Variants in MAML3 observed in about 807,000 individuals in gnomAD.
The protein encoded by MAML3 is mastermind-like protein 3.
A neutral mutation model predicts 101.9 loss-of-function variants in MAML3; 27 were observed. That is an observed-to-expected ratio of 0.27 (90% CI 0.20 to 0.37). MAML3 has a LOEUF of 0.37. Ranked by LOEUF, MAML3 falls within the 10% of genes least tolerant of loss-of-function variation. The probability of loss-of-function intolerance (pLI) is 1.00; values close to 1 mark genes in which losing one functional copy is unlikely to be tolerated. For missense variants in MAML3, 1,316 were observed against 1,444.9 expected (o/e 0.91, Z 1.45); for synonymous variants, 501 against 555.9 (o/e 0.90, Z 1.39).
rs577176565 is a variant in MAML3 at position 139,801,541 on chromosome 4, T to C, written c.2080-70874A>G. ...TTTTCCGTCAAAAGGAAAGCCATAA[T>C]GTATATCCTAGTGAAGATGGCAAAA... is the stretch of plus-strand genomic sequence containing the variant. On this transcript the variant is annotated intron_variant, in intron 2 of 4. Coordinates refer to ENST00000509479, the MANE Select transcript of MAML3 (RefSeq NM_018717.5). 1.6e-4 allele frequency among the ~76,000 whole-genome samples: 25 copies of C among 152,188 alleles called. No homozygotes were observed. In the South Asian group the frequency reaches 4.8e-3, roughly 29 times the overall value.
chr4:140,015,006 T>C (rs542757786), intron 1 of MAML3, among the ~76,000 whole-genome samples: 1 of 152,176 alleles, frequency 6.6e-6, no homozygotes, highest in South Asian at 2.1e-4. Flanking sequence ...AATTCAAAAA[T>C]TCAAAAAATT....
chr4:139,824,254 A>G (rs1415796290), intron 2 of MAML3, among the ~76,000 whole-genome samples: 1 of 152,232 alleles, frequency 6.6e-6, no homozygotes, highest in Non-Finnish European at 1.5e-5. Context: ...ACTAACTGCA[A>G]TCAGAAAAGA....
At chr4:140,122,220 CTTTT>C (rs369602172) in intron 1 of MAML3, among the ~76,000 whole-genome samples, 5 of 124,614 alleles carry the variant, frequency 4.0e-5, no homozygotes, top group African/African-American at 1.5e-4. Context: ...TCAAACGAGA[CTTTT>C]TTTTTTTTTT....
At chr4:139,830,636 G>A (rs1392654005) in intron 2 of MAML3, among the ~76,000 whole-genome samples, 2 of 151,858 alleles carry the variant, frequency 1.3e-5, no homozygotes, top group Middle Eastern at 3.4e-3. Flanking sequence ...GGATGATGTC[G>A]ATCTCCTGAC....
At chr4:139,996,438 C>T (rs1366457514) in intron 1 of MAML3, among the ~76,000 whole-genome samples, 1 of 151,926 alleles carries the variant, frequency 6.6e-6, no homozygotes, top group Non-Finnish European at 1.5e-5. Context: ...ATGTTTGAGG[C>T]TCTGTACTTA....
chr4:139,746,622 T>G, intron 2 of MAML3, among the ~76,000 whole-genome samples: 1 of 152,150 alleles, frequency 6.6e-6, no homozygotes. Context: ...GGCCCCTCGT[T>G]GCCATGGTCT....
intron 2 of MAML3, among the ~76,000 whole-genome samples, chr4:139,750,553 A>AACCATATT (rs1729470019): frequency 6.6e-6 from 1 of 152,228 alleles, no homozygotes; most frequent in Non-Finnish European, 1.5e-5. Flanking sequence ...GCTGTATCTG[A>AACCATATT]ACCATATTAC....
chr4:140,002,456 T>C (rs1372590447), intron 1 of MAML3, among the ~76,000 whole-genome samples: 1 of 152,202 alleles, frequency 6.6e-6, no homozygotes, highest in Non-Finnish European at 1.5e-5. Flanking sequence ...AAAACACAAA[T>C]ATGATTTTTA....
chr4:139,940,560 G>A (rs776882793), intron 1 of MAML3, among the ~76,000 whole-genome samples: 5 of 152,206 alleles, frequency 3.3e-5, no homozygotes, highest in Non-Finnish European at 7.3e-5. Context: ...TAAACAGTAT[G>A]TGGTACCTTT....
At chr4:140,114,194 C>G (rs1184024964) in intron 1 of MAML3, among the ~76,000 whole-genome samples, 1 of 152,198 alleles carries the variant, frequency 6.6e-6, no homozygotes, top group Non-Finnish European at 1.5e-5. Context: ...AGAATAAAAT[C>G]ATTCCAACTT....
Position 140,137,848 on chromosome 4 carries a change from C to A in MAML3, c.468+15012G>T, listed in dbSNP as rs115245655. Among the ~76,000 whole-genome samples, 332 of 152,306 alleles carry A rather than the reference C, an allele frequency of 2.2e-3. 1 individual carries two copies. The highest frequency in any genetic ancestry group is 7.7e-3 in the African/African-American group (319 of 41,546). ...TGACATTCCAGACCACAGATAAACA[C>A]GAACCCTACCAAACCAGTAACACAA... On this transcript the variant is annotated intron_variant, in intron 1 of 4. Coordinates refer to ENST00000509479, the MANE Select transcript of MAML3 (RefSeq NM_018717.5).
intron 1 of MAML3, among the ~76,000 whole-genome samples, chr4:140,125,330 G>A (rs990481751): frequency 3.9e-5 from 6 of 152,220 alleles, no homozygotes; most frequent in Non-Finnish European, 7.3e-5. Flanking sequence ...CTACTTGGGA[G>A]GCTGAGGCAG....
intron 2 of MAML3, among the ~76,000 whole-genome samples, chr4:139,784,343 T>C (rs939095042): frequency 5.3e-5 from 8 of 152,164 alleles, no homozygotes; most frequent in Non-Finnish European, 1.5e-5. Flanking sequence ...TCTAAAACCA[T>C]CTTGCCTCTC....
intron 2 of MAML3, among the ~76,000 whole-genome samples, chr4:139,859,162 GGAAAAACAT>G (rs1731719344): frequency 6.6e-6 from 1 of 151,606 alleles, no homozygotes; most frequent in African/African-American, 2.4e-5. Flanking sequence ...TGCACTTCCA[GGAAAAACAT>G]GAAAAACATC....
At chr4:139,951,378 A>T (rs1043508383) in intron 1 of MAML3, among the ~76,000 whole-genome samples, 12 of 152,252 alleles carry the variant, frequency 7.9e-5, no homozygotes, top group Non-Finnish European at 1.6e-4. Context: ...ACAAATGCGG[A>T]AATGGAAAGG....
chr4:139,987,762 G>A (rs1734575615), intron 1 of MAML3, among the ~76,000 whole-genome samples: 1 of 152,104 alleles, frequency 6.6e-6, no homozygotes, highest in Non-Finnish European at 1.5e-5. Context: ...GCTCACACCT[G>A]TAATCCCAGC....
At chr4:139,973,499 T>C (rs1734266309) in intron 1 of MAML3, among the ~76,000 whole-genome samples, 1 of 152,212 alleles carries the variant, frequency 6.6e-6, no homozygotes, top group Non-Finnish European at 1.5e-5. Context: ...GTGTAGGTTC[T>C]GGACCACAGA....
chr4:139,881,025 C>G (rs1362595725), intron 2 of MAML3, among the ~76,000 whole-genome samples: 1 of 152,120 alleles, frequency 6.6e-6, no homozygotes, highest in Admixed American at 6.5e-5. Flanking sequence ...AAAGCTGAAT[C>G]TAATCCTGCA....
At chr4:140,013,026 T>A (rs1001370361) in intron 1 of MAML3, among the ~76,000 whole-genome samples, 1 of 152,220 alleles carries the variant, frequency 6.6e-6, no homozygotes, top group Non-Finnish European at 1.5e-5. Flanking sequence ...GAGTGCTTTT[T>A]AAAAAATGAA....
Sources: allele counts gnomAD v4.1 joint callset (sites outside exome capture counted in the v4.1 genomes callset), GRCh38; gene constraint gnomAD v4.1.1; transcripts MANE v1.5; gene names NCBI Gene and HGNC (gene_info 2026-07-23, HGNC 2026-07-21).